The following LIPC variants were observed in gnomAD, a reference collection of about 807,000 sequenced individuals.
The protein encoded by LIPC is lipase C, hepatic type.
A neutral mutation model predicts 50.7 loss-of-function variants in LIPC; 44 were observed. That is an observed-to-expected ratio of 0.87 (90% CI 0.68 to 1.11). The LOEUF (loss-of-function observed/expected upper bound fraction) is 1.11. Among genes scored for constraint, LIPC ranks in the 50% most tolerant of loss-of-function variants. The pLI is 0.00. For missense variants in LIPC, 697 were observed against 648.2 expected (o/e 1.08, Z -0.82); for synonymous variants, 271 against 256.4 (o/e 1.06, Z -0.54).
chr15:58,511,099 A>T (rs1892316288), intron 1 of LIPC, among the ~76,000 whole-genome samples: 1 of 152,230 alleles, frequency 6.6e-6, no homozygotes, highest in African/African-American at 2.4e-5. Flanking sequence ...TGGAAGACCC[A>T]AAACTAGAAT....
intron 1 of LIPC, among the ~76,000 whole-genome samples, chr15:58,447,333 C>G (rs746915553): frequency 3.3e-5 from 5 of 152,102 alleles, no homozygotes; most frequent in Non-Finnish European, 5.9e-5. Flanking sequence ...CTCGACTAGT[C>G]TGTGCTCGAC....
At chr15:58,497,417 T>A (rs796509350) in intron 1 of LIPC, among the ~76,000 whole-genome samples, 1 of 152,130 alleles carries the variant, frequency 6.6e-6, no homozygotes, top group Non-Finnish European at 1.5e-5. Flanking sequence ...CCAAAGACCT[T>A]CTTGGGAAAT....
chr15:58,448,915 A>C (rs1281381616), intron 1 of LIPC, among the ~76,000 whole-genome samples: 2 of 152,246 alleles, frequency 1.3e-5, no homozygotes, highest in Non-Finnish European at 2.9e-5. Flanking sequence ...AAAACTGACA[A>C]GTGGGAGAAA....
intron 1 of LIPC, among the ~76,000 whole-genome samples, chr15:58,507,932 G>A (rs1215605711): frequency 1.3e-5 from 2 of 152,142 alleles, no homozygotes; most frequent in East Asian, 1.9e-4. Flanking sequence ...AACTTACAAT[G>A]GCCATGGACG....
At chr15:58,469,738 AC>A (rs1365142881) in intron 1 of LIPC, among the ~76,000 whole-genome samples, 1 of 152,142 alleles carries the variant, frequency 6.6e-6, no homozygotes, top group African/African-American at 2.4e-5. Context: ...AAGTGACCCT[AC>A]CCTCTACTAA....
At chr15:58,503,701 G>A (rs1395105707) in intron 1 of LIPC, among the ~76,000 whole-genome samples, 5 of 152,212 alleles carry the variant, frequency 3.3e-5, no homozygotes, top group African/African-American at 1.2e-4. Flanking sequence ...GAGGGGATGT[G>A]AGTGCTGTCT....
Position 58,432,096 on chromosome 15 carries a change from G to A in LIPC, c.64G>A (p.Ala22Thr). ...LVLCIFIQSS[A>T]LGQSLKPEPF... ...TTTATGCATCTTTATCCAATCAAGT[G>A]CCCTTGGACAAAGCCTGAAACCAGG... Residue 22 changes from alanine (A) to threonine (T), a missense_variant, in exon 1 of 9, where the codon GCC (alanine) becomes ACC (threonine). Physicochemically the swap from Ala to Thr is moderately conservative, Grantham distance 58. Coordinates refer to ENST00000299022, the MANE Select transcript of LIPC (RefSeq NM_000236.3). 1 of 1,613,750 alleles carries A rather than the reference G, an allele frequency of 6.2e-7. No homozygotes were observed.
At chr15:58,479,951 A>C (rs1295602479) in intron 1 of LIPC, among the ~76,000 whole-genome samples, 1 of 152,182 alleles carries the variant, frequency 6.6e-6, no homozygotes, top group Non-Finnish European at 1.5e-5. Context: ...AAAACTATGA[A>C]AGTGCCTCCA....
At chr15:58,457,554 C>G (rs1894178672) in intron 1 of LIPC, among the ~76,000 whole-genome samples, 1 of 152,250 alleles carries the variant, frequency 6.6e-6, no homozygotes. Context: ...CACATCCCCT[C>G]AGCATGTAAG....
At chr15:58,462,304 A>C (rs1894382771) in intron 1 of LIPC, among the ~76,000 whole-genome samples, 1 of 152,206 alleles carries the variant, frequency 6.6e-6, no homozygotes, top group African/African-American at 2.4e-5. Context: ...AATTGACATG[A>C]TTGATTGATT....
chr15:58,495,428 G>A (rs757889650), intron 1 of LIPC, among the ~76,000 whole-genome samples: 1 of 152,190 alleles, frequency 6.6e-6, no homozygotes, highest in Admixed American at 6.5e-5. Context: ...AGCACTGGCA[G>A]GACTTAACCA....
intron 1 of LIPC, among the ~76,000 whole-genome samples, chr15:58,500,116 C>A (rs1048669024): frequency 3.3e-5 from 5 of 152,138 alleles, no homozygotes; most frequent in African/African-American, 4.8e-5. Context: ...CATCCCTCAA[C>A]AGTCCCTCAG....
chr15:58,435,946 T>C (rs1757067382), intron 1 of LIPC: 1 of 152,168 alleles, frequency 6.6e-6, no homozygotes, highest in Non-Finnish European at 1.5e-5. Context: ...GCAAAGCTCT[T>C]TCCAGAAAAA....
intron 1 of LIPC, among the ~76,000 whole-genome samples, chr15:58,465,602 A>G (rs1265801606): frequency 1.3e-5 from 2 of 152,138 alleles, no homozygotes; most frequent in African/African-American, 4.8e-5. Flanking sequence ...ACCGTAACAT[A>G]ACGGATGGAG....
At chr15:58,454,050 C>G (rs1894017008) in intron 1 of LIPC, among the ~76,000 whole-genome samples, 1 of 152,140 alleles carries the variant, frequency 6.6e-6, no homozygotes, top group African/African-American at 2.4e-5. Flanking sequence ...GAAACAGGCT[C>G]AGAGAGATTA....
chr15:58,499,058 C>T (rs572557340), intron 1 of LIPC, among the ~76,000 whole-genome samples: 234 of 152,274 alleles, frequency 1.5e-3, no homozygotes, highest in African/African-American at 5.2e-3. Flanking sequence ...CAGGATTACT[C>T]GGCACAAGAG....
intron 7 of LIPC, 120 bp downstream of exon 7, chr15:58,561,101 C>A: frequency 1.5e-5 from 11 of 741,208 alleles, no homozygotes; most frequent in Admixed American, 5.8e-5. Flanking sequence ...CAGACGCAAA[C>A]CAAAAACTAT....
intron 1 of LIPC, among the ~76,000 whole-genome samples, chr15:58,488,942 C>A (rs1405237800): frequency 1.3e-5 from 2 of 152,130 alleles, no homozygotes; most frequent in African/African-American, 4.8e-5. Flanking sequence ...CTGGTTTTGT[C>A]ATCTGCAAAA....
At chr15:58,489,217 C>CGGTG (rs568178680) in intron 1 of LIPC, among the ~76,000 whole-genome samples, 11 of 16,560 alleles carry the variant, frequency 6.6e-4, no homozygotes, top group African/African-American at 1.5e-3. Context: ...CATTTTGTTG[C>CGGTG]GGGGGCGGGG....
Sources: allele counts gnomAD v4.1 joint callset (sites outside exome capture counted in the v4.1 genomes callset), GRCh38; gene constraint gnomAD v4.1.1; transcripts MANE v1.5; gene names NCBI Gene and HGNC (gene_info 2026-07-23, HGNC 2026-07-21).